VPS13C: variants seen among roughly 807,000 people sequenced by gnomAD.
VPS13C encodes vacuolar protein sorting 13 homolog C, also known as intermembrane lipid transfer protein VPS13C.
VPS13C carries 358 observed loss-of-function variants against 456.8 expected under a neutral mutation model. The observed-to-expected ratio is 0.78, with a 90% confidence interval of 0.72 to 0.86. VPS13C has a LOEUF of 0.86. Ranked by LOEUF, VPS13C falls within the 40% of genes least tolerant of loss-of-function variation. The probability of loss-of-function intolerance (pLI) is 0.00; values close to 1 mark genes in which losing one functional copy is unlikely to be tolerated. For missense variants in VPS13C, 4,818 were observed against 4,385.4 expected (o/e 1.10, Z -2.79); for synonymous variants, 1,578 against 1,486.7 (o/e 1.06, Z -1.41).
At chr15:61,939,723 G>A (rs907229844) in intron 47 of VPS13C, among the ~76,000 whole-genome samples, 11 of 152,230 alleles carry the variant, frequency 7.2e-5, no homozygotes, top group Admixed American at 1.3e-4. Context: ...GCCGGAGCAC[G>A]GTGGCTCACG....
Position 61,907,373 on chromosome 15 carries a change from ATTT to A in VPS13C, c.8993_8995del (p.Glu2998_Met2999delinsVal). 2.5e-6 allele frequency: 4 copies of A among 1,613,952 alleles called. No individual in the cohort carries two copies. Among genetic ancestry groups the A allele is most frequent in the Non-Finnish European group, 3.4e-6 (4 of 1,179,840 alleles). ...TCGAGCCTGTCTTGGCAGCAAGACCATTTCTTCTGGTGACCCACTAAAACACAA... is the reference window on the plus strand; with the variant it reads ...TCGAGCCTGTCTTGGCAGCAAGACCACTTCTGGTGACCCACTAAAACACAA... On this transcript the variant is annotated inframe_deletion, in exon 66 of 85. Transcript: ENST00000644861.
chr15:62,057,632 T>C (rs1234834890), intron 1 of VPS13C, among the ~76,000 whole-genome samples: 1 of 152,188 alleles, frequency 6.6e-6, no homozygotes, highest in Admixed American at 6.5e-5. Flanking sequence ...GTGAAAGAAA[T>C]GGGTTTATTT....
Position 61,951,824 on chromosome 15 carries a change from C to G in VPS13C, c.4456G>C (p.Asp1486His), listed in dbSNP as rs2044805414. ...TACACAGACAATATTTCACACTTAC[C>G]AGTGAAATCAAAGCACTGCATACTA... The part of the protein sequence containing the change: ...KISMQCFDFT[D>H]SKGEPLHIIN... Residue 1486 changes from aspartate to histidine, a missense_variant and splice_region_variant, in exon 39 of 85, where the codon GAC (aspartate) becomes CAC (histidine). Asp to His is a moderately conservative substitution (Grantham distance 81). Transcript: ENST00000644861. 1 of 1,606,290 alleles carries G rather than the reference C, an allele frequency of 6.2e-7. No homozygotes were observed. Among genetic ancestry groups the G allele is most frequent in the South Asian group, 1.1e-5 (1 of 89,492 alleles).
intron 69 of VPS13C, among the ~76,000 whole-genome samples, chr15:61,882,087 G>A (rs1483723390): frequency 6.6e-6 from 1 of 152,080 alleles, no homozygotes; most frequent in Non-Finnish European, 1.5e-5. Context: ...GAAAATACTT[G>A]TATCTATGGA....
At chr15:61,990,852 G>A (rs982751373) in intron 18 of VPS13C, 148 bp downstream of exon 18, 13 of 601,898 alleles carry the variant, frequency 2.2e-5, no homozygotes, top group Non-Finnish European at 3.1e-5. Flanking sequence ...AATTTTAATT[G>A]GTAAAACCTG....
chr15:62,026,004 T>C (rs1162044533), intron 6 of VPS13C, among the ~76,000 whole-genome samples: 2 of 151,148 alleles, frequency 1.3e-5, no homozygotes, highest in Admixed American at 6.7e-5. Context: ...TACAAATCTC[T>C]TTAATGTCTC....
intron 33 of VPS13C, 51 bp downstream of exon 33, chr15:61,962,698 G>T: frequency 1.4e-6 from 2 of 1,379,322 alleles, no homozygotes; most frequent in Non-Finnish European, 2.0e-6. Flanking sequence ...TACAATAGAA[G>T]CTCATATTCA....
At chr15:62,004,297 T>G (rs1284941698) in intron 15 of VPS13C, among the ~76,000 whole-genome samples, 3 of 151,826 alleles carry the variant, frequency 2.0e-5, no homozygotes, top group Non-Finnish European at 2.9e-5. Flanking sequence ...GATTTTCTAG[T>G]TTATTTGCAT....
At chr15:61,966,482 A>G (rs2045380793) in intron 29 of VPS13C, among the ~76,000 whole-genome samples, 1 of 151,788 alleles carries the variant, frequency 6.6e-6, no homozygotes, top group Non-Finnish European at 1.5e-5. Context: ...GCAAGTCTAC[A>G]TTTTTTTATA....
chr15:61,919,552 T>A, intron 57 of VPS13C, 103 bp from the exon 58 acceptor site: 1 of 1,156,368 alleles, frequency 8.6e-7, no homozygotes, highest in Non-Finnish European at 1.1e-6. Context: ...TTTTTCCTCA[T>A]CACTAGAAAT....
Position 61,946,391 on chromosome 15 carries a change from A to G in VPS13C, c.4896T>C (p.Ser1632=), listed in dbSNP as rs770161936. The change falls in exon 44 of 85, where the codon TCT becomes TCC. Residue 1632 remains serine, a synonymous_variant. Transcript: ENST00000644861. ...ACACATCAGTCTGCTTAGGCTTCAC[A>G]GAAATAGAGGCATCCATTCCTATAG... ...IKIHGMDASI[S]VKPKQTDVFA... 4.4e-6 allele frequency: 7 copies of G among 1,606,050 alleles called. No individual in the cohort carries two copies. The highest frequency in any genetic ancestry group is 3.4e-5 in the Admixed American group (2 of 58,676).
chr15:61,958,725 T>TAAAGC lies in VPS13C; in HGVS notation c.4057-10_4057-9insGCTTT. ...TCTTGATTTAGACTAACCTGTAAAA[T>TAAAGC]ATTATGTTAAAAAAAAAACTATATT... On this transcript the variant is annotated splice_polypyrimidine_tract_variant and intron_variant, in intron 36 of 84. Transcript: ENST00000644861. 7.2e-7 allele frequency: 1 copy of TAAAGC among 1,386,852 alleles called. No individual in the cohort carries two copies. The highest frequency in any genetic ancestry group is 9.8e-7 in the Non-Finnish European group (1 of 1,025,460). The allele number at this position is 1,386,852 out of a possible 1,614,324, so 85.9% of individuals were successfully genotyped here. A position where few individuals can be genotyped will look rare whatever the true frequency, so the allele number is the denominator to read the frequency against.
At position 62,000,568 on chromosome 15, in the gene VPS13C, A is replaced by G. The variant is rs772724171; in HGVS notation, c.1349T>C (p.Val450Ala). The part of the protein sequence containing the change: ...NIILARQQAQ[V>A]EVIRSGQKLR... ...TCAGCTAATAAAAATGATTACCTCA[A>G]CTTGTGCTTGTTGCCTTGCTAAAAT... The change falls in exon 16 of 85, where the codon GTT becomes GCT. Residue 450 changes from valine to alanine, a missense_variant. By Grantham distance (64) the Val-to-Ala change is moderately conservative (BLOSUM62 0). Transcript: ENST00000644861. The G allele has an allele frequency of 1.9e-5, 30 of 1,607,502 alleles. 1 individual carries two copies. In the Admixed American group the frequency reaches 4.4e-4, roughly 24 times the overall value.
intron 15 of VPS13C, among the ~76,000 whole-genome samples, chr15:62,005,265 C>A (rs996026785): frequency 2.0e-5 from 3 of 152,168 alleles, no homozygotes; most frequent in African/African-American, 7.2e-5. Flanking sequence ...GATCCCTTTA[C>A]CATTAAGTAA....
chr15:61,880,627 G>A lies in VPS13C; in HGVS notation c.9984C>T (p.Phe3328=), dbSNP rs1403468704. 1 of 1,576,438 alleles carries A rather than the reference G, an allele frequency of 6.3e-7. No homozygotes were observed. The highest frequency in any genetic ancestry group is 8.6e-7 in the Non-Finnish European group (1 of 1,163,420). The change falls in exon 73 of 85, where the codon TTC becomes TTT. Residue 3328 remains phenylalanine (F), a synonymous_variant. Transcript: ENST00000644861. ...AACAAACCTTCACAGGAGAAATATG[G>A]AAATGTTCAAAGAAACTAAGAATTG... ...DMSILSFFEH[F]HISPVKLHLS... is the part of the protein sequence containing the mutation.
At position 61,854,282 on chromosome 15, in the gene VPS13C, A is replaced by G. The variant is rs957508661; in HGVS notation, c.*175T>C. Reference sequence around the variant, plus strand: ...GACTGCTAGCATATACATGGTTACAAAATTAGAGTAAAAACTAAAAGGTGA... The same window carrying G: ...GACTGCTAGCATATACATGGTTACAGAATTAGAGTAAAAACTAAAAGGTGA... On this transcript the variant is annotated 3_prime_UTR_variant, in exon 85 of 85. Transcript: ENST00000644861. The G allele has an allele frequency of 2.3e-5, 15 of 642,984 alleles. No individual in the cohort carries two copies. The highest frequency in any genetic ancestry group is 3.5e-5 in the Non-Finnish European group (13 of 366,558). The allele number at this position is 642,984 out of a possible 1,614,324, so 39.8% of individuals were successfully genotyped here.
Position 61,917,553 on chromosome 15 carries a change from G to A in VPS13C, c.7843C>T (p.Leu2615Phe), listed in dbSNP as rs750775996. 1.2e-5 allele frequency: 20 copies of A among 1,613,862 alleles called. No individual in the cohort carries two copies. In the East Asian group the frequency reaches 4.0e-4, roughly 32 times the overall value. Reference sequence around the variant, plus strand: ...CATCTGACTTCCCTGCTCCTATGAAGTTCTTCCTTCCAGGAAATATAAGTG... The same window carrying A: ...CATCTGACTTCCCTGCTCCTATGAAATTCTTCCTTCCAGGAAATATAAGTG... Reference protein sequence around the residue: ...STTYISWKEELHRSREVRCML... With the variant: ...STTYISWKEEFHRSREVRCML... Residue 2615 changes from leucine to phenylalanine, a missense_variant, in exon 60 of 85, where the codon CTT (leucine) becomes TTT (phenylalanine). Transcript: ENST00000644861.
intron 66 of VPS13C, among the ~76,000 whole-genome samples, chr15:61,893,349 G>GA (rs960266438): frequency 5.3e-5 from 8 of 152,108 alleles, no homozygotes; most frequent in Non-Finnish European, 8.8e-5. Context: ...TGAAGGGGAA[G>GA]AAAAACCCTG....
At chr15:61,921,183 A>G (rs765814018) in intron 55 of VPS13C, among the ~76,000 whole-genome samples, 2 of 152,126 alleles carry the variant, frequency 1.3e-5, no homozygotes, top group Non-Finnish European at 2.9e-5. Flanking sequence ...ATGCCAGAGA[A>G]AGGCAGGTCA....
Sources: allele counts gnomAD v4.1 joint callset (sites outside exome capture counted in the v4.1 genomes callset), GRCh38; gene constraint gnomAD v4.1.1; transcripts MANE v1.5; gene names NCBI Gene and HGNC (gene_info 2026-07-23, HGNC 2026-07-21).